The following COL21A1 variants were observed in gnomAD, a reference collection of about 807,000 sequenced individuals.
COL21A1 encodes collagen type XXI alpha 1 chain.
COL21A1 carries 149 observed loss-of-function variants against 137.9 expected under a neutral mutation model. That is an observed-to-expected ratio of 1.08 (90% CI 0.95 to 1.24). The LOEUF (loss-of-function observed/expected upper bound fraction) is 1.24. Among genes scored for constraint, COL21A1 ranks in the 50% most tolerant of loss-of-function variants. COL21A1 has a pLI of 0.00. For missense variants in COL21A1, 1,167 were observed against 1,158.4 expected, an observed-to-expected ratio of 1.01 and a Z score of -0.11; for synonymous variants, 456 against 391.5, an observed-to-expected ratio of 1.16 and a Z score of -1.95.
chr6:56,080,414 A>C (rs17751085), intron 17 of COL21A1, among the ~76,000 whole-genome samples: 23,045 of 151,720 alleles, frequency 0.15, 1,782 homozygotes, highest in Middle Eastern at 0.22. Context: ...GCTTCTCTGT[A>C]ACCATTTAAA....
intron 12 of COL21A1, among the ~76,000 whole-genome samples, chr6:56,137,561 A>G (rs963434525): frequency 6.6e-6 from 1 of 152,192 alleles, no homozygotes; most frequent in Admixed American, 6.5e-5. Context: ...ACTCATGCCT[A>G]CAAAAGAAAT....
At chr6:56,379,628 A>G (rs1316203994) in intron 1 of COL21A1, among the ~76,000 whole-genome samples, 1 of 152,110 alleles carries the variant, frequency 6.6e-6, no homozygotes, top group African/African-American at 2.4e-5. Context: ...AACATCAAAA[A>G]CTGTAATTTT....
At chr6:56,386,137 T>C (rs2094017760) in intron 1 of COL21A1, among the ~76,000 whole-genome samples, 1 of 152,138 alleles carries the variant, frequency 6.6e-6, no homozygotes, top group African/African-American at 2.4e-5. Context: ...TTAGTAGAGA[T>C]GGAGTTTTAC....
chr6:56,261,803 C>A (rs533359363), intron 1 of COL21A1, among the ~76,000 whole-genome samples: 1 of 152,084 alleles, frequency 6.6e-6, no homozygotes, highest in Non-Finnish European at 1.5e-5. Flanking sequence ...TCAGTGGGAA[C>A]CTCTGCTCTA....
At chr6:56,131,218 G>A (rs1201879785) in intron 12 of COL21A1, among the ~76,000 whole-genome samples, 18 of 151,886 alleles carry the variant, frequency 1.2e-4, no homozygotes, top group Admixed American at 1.1e-3. Flanking sequence ...AAAAAGCCTT[G>A]CTTGTAATAA....
chr6:56,344,834 C>T (rs778954523), intron 1 of COL21A1, among the ~76,000 whole-genome samples: 3 of 74,214 alleles, frequency 4.0e-5, no homozygotes, highest in African/African-American at 1.2e-4. Flanking sequence ...CTATGTAGGA[C>T]GTGCCTGCTT....
At chr6:56,330,409 A>T (rs1765190862) in intron 1 of COL21A1, among the ~76,000 whole-genome samples, 1 of 152,122 alleles carries the variant, frequency 6.6e-6, no homozygotes, top group Non-Finnish European at 1.5e-5. Context: ...ATATTCAGAT[A>T]GCAATTACTC....
intron 22 of COL21A1, among the ~76,000 whole-genome samples, chr6:56,067,820 A>G (rs1330896405): frequency 6.6e-6 from 1 of 151,688 alleles, no homozygotes; most frequent in African/African-American, 2.4e-5. Flanking sequence ...TTCCATAAAA[A>G]TAAGTTTTAT....
At position 56,106,840 on chromosome 6, in the gene COL21A1, G is replaced by A. The variant is rs145874280; in HGVS notation, c.1759-5315C>T. Among the ~76,000 whole-genome samples, 361 of 152,040 alleles carry A rather than the reference G, an allele frequency of 2.4e-3. 1 individual carries two copies. Among genetic ancestry groups the A allele is most frequent in the African/African-American group, 7.9e-3 (329 of 41,482 alleles). On this transcript the variant is annotated intron_variant, in intron 16 of 29. Coordinates refer to ENST00000244728, the MANE Select transcript of COL21A1 (RefSeq NM_030820.4). ...TTCGCTCTGTCGCCCAGGCTGGAGT[G>A]CAGTGGCGCCATCTCGGCTCACTGC... is the stretch of plus-strand genomic sequence containing the variant.
intron 17 of COL21A1, among the ~76,000 whole-genome samples, chr6:56,083,332 GC>G (rs1767953481): frequency 1.3e-5 from 2 of 151,934 alleles, no homozygotes; most frequent in Admixed American, 1.3e-4. Flanking sequence ...TTGGTTTACA[GC>G]CCCAAGGAAT....
upstream of COL21A1, among the ~76,000 whole-genome samples, chr6:56,251,405 A>G (rs1392086179): frequency 1.3e-5 from 2 of 152,206 alleles, no homozygotes; most frequent in Admixed American, 1.3e-4. Context: ...AACAGTAAAC[A>G]AATATTTATC....
rs550498512 is a variant in COL21A1, at chr6:56,331,253, A to G, written c.-39+62718T>C. ...TTTTCTTCCATTCTGCAGGTTGTCT[A>G]TTTTTTTTTTCTGTGTAGAAGCTTT... is the stretch of plus-strand genomic sequence containing the variant. On this transcript the variant is annotated intron_variant, in intron 1 of 28. Coordinates refer to the COL21A1 transcript ENST00000370819. Among the ~76,000 whole-genome samples the G allele has an allele frequency of 2.1e-5, 3 of 140,262 alleles. No individual in the cohort carries two copies. The East Asian group carries it at 6.5e-4, about 30-fold the overall frequency. The allele number at this position is 140,262 out of a possible 152,430, so 92.0% of individuals were successfully genotyped here.
intron 1 of COL21A1, chr6:56,231,199 T>C (rs1336721137): frequency 6.6e-6 from 1 of 151,790 alleles, no homozygotes; most frequent in East Asian, 1.9e-4. Context: ...AAATAAAACA[T>C]GACTATGTTT....
intron 16 of COL21A1, among the ~76,000 whole-genome samples, chr6:56,108,424 G>A (rs571532442): frequency 8.6e-5 from 13 of 151,964 alleles, no homozygotes; most frequent in African/African-American, 3.1e-4. Context: ...CGAAGGTGCA[G>A]CAAGCAAATA....
intron 1 of COL21A1, among the ~76,000 whole-genome samples, chr6:56,326,111 A>G (rs928789618): frequency 2.2e-5 from 3 of 139,376 alleles, no homozygotes; most frequent in Non-Finnish European, 3.0e-5. Context: ...TTTTAACATA[A>G]AACAAAACTG....
intron 1 of COL21A1, among the ~76,000 whole-genome samples, chr6:56,342,879 A>G (rs1218572733): frequency 6.6e-6 from 1 of 152,208 alleles, no homozygotes; most frequent in Admixed American, 6.5e-5. Flanking sequence ...GCAGGAATCC[A>G]GCAGAATATG....
intron 17 of COL21A1, chr6:56,091,756 G>A (rs1768840247): frequency 6.6e-6 from 1 of 152,136 alleles, no homozygotes; most frequent in Non-Finnish European, 1.5e-5. Context: ...AAGCAGCAGT[G>A]GAAACTATTC....
intron 10 of COL21A1, among the ~76,000 whole-genome samples, chr6:56,145,735 A>G (rs1774780431): frequency 6.6e-6 from 1 of 152,096 alleles, no homozygotes; most frequent in African/African-American, 2.4e-5. Context: ...ACTGTTCAAC[A>G]TGAATTTTGC....
chr6:56,097,954 AAAATATATATAAATATAT>A lies in COL21A1; in HGVS notation c.1812+3500_1812+3517del, dbSNP rs1562188841. Among the ~76,000 whole-genome samples, 6 of 69,254 alleles carry A rather than the reference AAAATATATATAAATATAT, an allele frequency of 8.7e-5. 1 individual carries two copies. The highest frequency in any genetic ancestry group is 1.4e-4 in the Non-Finnish European group (6 of 42,448). 45.4% of individuals were successfully genotyped at this position (69,254 alleles called of 152,430 possible). A position where few individuals can be genotyped will look rare whatever the true frequency, so the allele number is the denominator to read the frequency against. The stretch of plus-strand genomic sequence containing the variant: ...ATATATAAAAATATATATAAATATA[AAAATATATATAAATATAT>A]AAATATATATAAATATATATGTAAA... On this transcript the variant is annotated intron_variant, in intron 17 of 29. Coordinates refer to ENST00000244728, the MANE Select transcript of COL21A1 (RefSeq NM_030820.4).
Sources: allele counts gnomAD v4.1 joint callset (sites outside exome capture counted in the v4.1 genomes callset), GRCh38; gene constraint gnomAD v4.1.1; transcripts MANE v1.5; gene names NCBI Gene and HGNC (gene_info 2026-07-23, HGNC 2026-07-21).